LRMDA: variants seen among roughly 807,000 people sequenced by gnomAD.
The protein encoded by LRMDA is leucine rich melanocyte differentiation associated, also known as leucine-rich melanocyte differentiation-associated protein.
LRMDA carries 18 observed loss-of-function variants against 29.8 expected under a neutral mutation model. The observed-to-expected ratio is 0.60, with a 90% CI of 0.42 to 0.90. The LOEUF (loss-of-function observed/expected upper bound fraction) is 0.90, where lower values mean the gene tolerates loss of function less well. Among genes scored for constraint, LRMDA ranks in the 40% least tolerant of loss-of-function variants. The pLI is 0.00. For synonymous variants in LRMDA, 125 were observed against 109.4 expected (o/e 1.14, Z -0.89); for missense variants, 273 against 273.9 (o/e 1.00, Z 0.02).
At chr10:75,488,178 G>A (rs934025663) in intron 2 of LRMDA, among the ~76,000 whole-genome samples, 2 of 152,152 alleles carry the variant, frequency 1.3e-5, no homozygotes, top group Non-Finnish European at 2.9e-5. Flanking sequence ...CTCAGTGGAG[G>A]TTCTTAGAGG....
rs917297028 is a variant in LRMDA, at chr10:76,559,357, C to T, written c.*2069C>T. On this transcript the variant is annotated 3_prime_UTR_variant, in exon 7 of 7. Transcript: ENST00000611255. ...CATATTTTTGGAGTGAGTTATTGACCACATTGTTTCCCTCTCTTTGGGTTG... is the reference window on the plus strand; with the variant it reads ...CATATTTTTGGAGTGAGTTATTGACTACATTGTTTCCCTCTCTTTGGGTTG... 3.3e-5 allele frequency: 5 copies of T among 152,114 alleles called. No homozygotes were observed. Among genetic ancestry groups the T allele is most frequent in the Non-Finnish European group, 7.4e-5 (5 of 68,024 alleles). 9.4% of individuals were successfully genotyped at this position (152,114 alleles called of 1,614,324 possible). A position where few individuals can be genotyped will look rare whatever the true frequency, so the allele number is the denominator to read the frequency against.
chr10:76,538,537 T>C (rs1281661324), intron 6 of LRMDA, among the ~76,000 whole-genome samples: 1 of 142,926 alleles, frequency 7.0e-6, no homozygotes, highest in Non-Finnish European at 1.5e-5. Context: ...TATACAGTTA[T>C]ATATATGTAT....
At chr10:76,509,490 G>A (rs1287906692) in intron 6 of LRMDA, among the ~76,000 whole-genome samples, 1 of 152,184 alleles carries the variant, frequency 6.6e-6, no homozygotes, top group East Asian at 1.9e-4. Context: ...CAACATAGAA[G>A]ACTGGGTGTA....
At chr10:75,571,250 T>TG (rs1272191169) in intron 2 of LRMDA, among the ~76,000 whole-genome samples, 7 of 152,214 alleles carry the variant, frequency 4.6e-5, no homozygotes, top group African/African-American at 1.7e-4. Context: ...GCACATGCTA[T>TG]GGGCTTTGGT....
rs139823692 is a variant in LRMDA at position 76,017,494 on chromosome 10, G to A, written c.132-18514G>A. 1.7e-4 allele frequency among the ~76,000 whole-genome samples: 26 copies of A among 152,344 alleles called. No individual in the cohort carries two copies. In the East Asian group the frequency reaches 4.6e-3, roughly 27 times the overall value. On this transcript the variant is annotated intron_variant, in intron 2 of 6. Transcript: ENST00000611255. The stretch of plus-strand genomic sequence containing the variant: ...ATAGCCCAAGGAAACTAATTTCACA[G>A]GAGATGTTTCTGGCCTGGATTTGAG...
chr10:76,192,373 C>T (rs999731351), intron 5 of LRMDA, among the ~76,000 whole-genome samples: 2 of 152,106 alleles, frequency 1.3e-5, no homozygotes, highest in Non-Finnish European at 1.5e-5. Flanking sequence ...AGACCAGGGG[C>T]CAAGAGAAGA....
At chr10:75,955,577 GA>G (rs1295770408) in intron 2 of LRMDA, among the ~76,000 whole-genome samples, 1 of 152,218 alleles carries the variant, frequency 6.6e-6, no homozygotes. Context: ...CTAGCTGTGA[GA>G]CTTTGATCTC....
intron 2 of LRMDA, among the ~76,000 whole-genome samples, chr10:75,861,762 G>A (rs7093663): frequency 0.58 from 88,923 of 152,058 alleles, 26,543 homozygotes; most frequent in East Asian, 0.9. Context: ...ACACTTCCTA[G>A]TAGTTCCCTT....
intron 2 of LRMDA, among the ~76,000 whole-genome samples, chr10:75,954,699 G>A (rs975890075): frequency 6.6e-6 from 1 of 152,204 alleles, no homozygotes; most frequent in Non-Finnish European, 1.5e-5. Flanking sequence ...ACCTTCTGTT[G>A]ACATTTCCTG....
At chr10:75,567,977 T>C (rs1480866559) in intron 2 of LRMDA, among the ~76,000 whole-genome samples, 2 of 152,218 alleles carry the variant, frequency 1.3e-5, no homozygotes, top group African/African-American at 4.8e-5. Flanking sequence ...GTAGGTTCAA[T>C]GACACAAGCA....
At chr10:76,057,076 T>A (rs1848628230) in intron 4 of LRMDA, among the ~76,000 whole-genome samples, 1 of 152,154 alleles carries the variant, frequency 6.6e-6, no homozygotes, top group Non-Finnish European at 1.5e-5. Context: ...CCAAGTAACA[T>A]CCTCACTGAG....
At chr10:75,774,893 G>C (rs1486135289) in intron 2 of LRMDA, among the ~76,000 whole-genome samples, 1 of 152,192 alleles carries the variant, frequency 6.6e-6, no homozygotes, top group South Asian at 2.1e-4. Context: ...AAGGGTCATT[G>C]TTTCCAAAAT....
intron 5 of LRMDA, among the ~76,000 whole-genome samples, chr10:76,071,218 A>C (rs1456851872): frequency 1.3e-5 from 2 of 152,208 alleles, no homozygotes; most frequent in Non-Finnish European, 2.9e-5. Flanking sequence ...CTGGGGAATG[A>C]AATTTGGGAG....
chr10:75,560,500 C>G (rs1840278064), intron 2 of LRMDA, among the ~76,000 whole-genome samples: 1 of 151,774 alleles, frequency 6.6e-6, no homozygotes, highest in South Asian at 2.1e-4. Flanking sequence ...TTGACTTCCT[C>G]TTTTCCTCAT....
chr10:76,323,320 T>C (rs1840794590), intron 5 of LRMDA, among the ~76,000 whole-genome samples: 1 of 152,118 alleles, frequency 6.6e-6, no homozygotes, highest in Non-Finnish European at 1.5e-5. Flanking sequence ...TTGATTCCTA[T>C]AATATAGGTA....
At chr10:75,485,283 G>A (rs1035607854) in intron 2 of LRMDA, among the ~76,000 whole-genome samples, 3 of 151,932 alleles carry the variant, frequency 2.0e-5, no homozygotes, top group South Asian at 2.1e-4. Flanking sequence ...TCTGTATCTG[G>A]GGTTCTATAT....
At chr10:75,784,007 T>C (rs1233932065) in intron 2 of LRMDA, among the ~76,000 whole-genome samples, 2 of 152,098 alleles carry the variant, frequency 1.3e-5, no homozygotes, top group Non-Finnish European at 1.5e-5. Flanking sequence ...ATACTGAAAA[T>C]AGGGAATGAG....
intron 3 of LRMDA, among the ~76,000 whole-genome samples, chr10:76,042,816 T>C (rs1848363272): frequency 6.6e-6 from 1 of 152,224 alleles, no homozygotes; most frequent in African/African-American, 2.4e-5. Context: ...TTAGAAATGT[T>C]TCTTTCAGTT....
At chr10:75,605,144 A>G (rs1840939971) in intron 2 of LRMDA, among the ~76,000 whole-genome samples, 1 of 152,196 alleles carries the variant, frequency 6.6e-6, no homozygotes, top group African/African-American at 2.4e-5. Context: ...AGTTCATATG[A>G]CTAAATACTG....
Sources: gnomAD v4.1 joint callset for allele counts (sites outside exome capture counted in the v4.1 genomes callset) on GRCh38, gnomAD v4.1.1 for gene constraint, MANE v1.5 for transcripts, NCBI Gene and HGNC (gene_info 2026-07-23, HGNC 2026-07-21) for gene names.